Variants in CNTN5 observed in about 807,000 individuals in gnomAD.
CNTN5 encodes the protein contactin-5.
CNTN5 carries 77 observed loss-of-function variants against 129.1 expected under a neutral mutation model. The ratio of observed to expected loss-of-function variants is 0.60; its 90% CI spans 0.50 to 0.72. The LOEUF is 0.72. Among genes scored for constraint, CNTN5 ranks in the 30% least tolerant of loss-of-function variants. The pLI is 0.00. For synonymous variants in CNTN5, 509 were observed against 465.6 expected (o/e 1.09, Z -1.20); for missense variants, 1,478 against 1,328.8 (o/e 1.11, Z -1.75).
intron 2 of CNTN5, among the ~76,000 whole-genome samples, chr11:99,364,889 C>T (rs1939347377): frequency 6.6e-6 from 1 of 151,976 alleles, no homozygotes; most frequent in Non-Finnish European, 1.5e-5. Context: ...GGGTTTGGGG[C>T]AGCAGTGGAA....
At chr11:99,290,469 G>A (rs1282859548) in intron 1 of CNTN5, among the ~76,000 whole-genome samples, 1 of 151,868 alleles carries the variant, frequency 6.6e-6, no homozygotes, top group Admixed American at 6.6e-5. Flanking sequence ...GAAATTTTCT[G>A]TGGGCAGCCT....
chr11:99,169,553 A>G (rs1178864564), intron 1 of CNTN5, among the ~76,000 whole-genome samples: 1 of 152,152 alleles, frequency 6.6e-6, no homozygotes, highest in South Asian at 2.1e-4. Context: ...AAGAAGAATA[A>G]TGATCCTTAC....
intron 13 of CNTN5, among the ~76,000 whole-genome samples, chr11:100,151,289 T>C (rs1190039791): frequency 6.6e-6 from 1 of 152,192 alleles, no homozygotes. Flanking sequence ...AAATATACCA[T>C]GTATGTTTAT....
chr11:100,133,047 G>A (rs1456122385), intron 13 of CNTN5, among the ~76,000 whole-genome samples: 1 of 151,918 alleles, frequency 6.6e-6, no homozygotes, highest in Non-Finnish European at 1.5e-5. Context: ...TAATTTTAAT[G>A]ATATTACAAA....
intron 1 of CNTN5, among the ~76,000 whole-genome samples, chr11:99,089,670 G>T (rs1218537913): frequency 2.0e-5 from 3 of 152,130 alleles, no homozygotes; most frequent in African/African-American, 7.2e-5. Flanking sequence ...GTTATCATTA[G>T]AAATACATTG....
intron 3 of CNTN5, among the ~76,000 whole-genome samples, chr11:99,631,903 C>T (rs2135804767): frequency 6.6e-6 from 1 of 152,252 alleles, no homozygotes; most frequent in Non-Finnish European, 1.5e-5. Context: ...AGACAGACCA[C>T]ATTCGTGTAA....
intron 2 of CNTN5, among the ~76,000 whole-genome samples, chr11:99,336,372 A>C (rs1866225602): frequency 6.6e-6 from 1 of 152,164 alleles, no homozygotes; most frequent in Admixed American, 6.5e-5. Context: ...GAATTCCTTA[A>C]ATAACATTTA....
intron 1 of CNTN5, among the ~76,000 whole-genome samples, chr11:99,276,979 T>C (rs1011551370): frequency 6.6e-6 from 1 of 151,662 alleles, no homozygotes; most frequent in Non-Finnish European, 1.5e-5. Context: ...TGATATAAAC[T>C]TTAAAAAACA....
At chr11:99,952,418 T>A (rs1295001524) in intron 7 of CNTN5, among the ~76,000 whole-genome samples, 1 of 152,286 alleles carries the variant, frequency 6.6e-6, no homozygotes, top group South Asian at 2.1e-4. Flanking sequence ...TTTGTAAATA[T>A]TAAAATGCTC....
chr11:99,913,870 G>C (rs938311493), intron 6 of CNTN5, among the ~76,000 whole-genome samples: 5 of 152,098 alleles, frequency 3.3e-5, no homozygotes, highest in African/African-American at 7.2e-5. Context: ...TAAAAATTCA[G>C]TTAAAATAAA....
chr11:99,044,679 C>T (rs12285233), intron 1 of CNTN5, among the ~76,000 whole-genome samples: 31 of 152,238 alleles, frequency 2.0e-4, no homozygotes, highest in African/African-American at 6.3e-4. Context: ...GGATAATTCT[C>T]GTTGGCTGTC....
chr11:99,756,150 A>C (rs528504387), intron 3 of CNTN5, among the ~76,000 whole-genome samples: 6 of 152,108 alleles, frequency 3.9e-5, no homozygotes, highest in Admixed American at 1.3e-4. Context: ...GAATAAAATC[A>C]GATTCTCCTG....
At chr11:99,407,686 GC>G (rs1942142595) in intron 2 of CNTN5, among the ~76,000 whole-genome samples, 1 of 152,132 alleles carries the variant, frequency 6.6e-6, no homozygotes, top group South Asian at 2.1e-4. Flanking sequence ...GTTATCTGGG[GC>G]CCCAGTGGCC....
At position 100,344,285 on chromosome 11, in the gene CNTN5, G is replaced by A. The variant is rs575253710; in HGVS notation, c.3030+3080G>A. 2.6e-5 allele frequency among the ~76,000 whole-genome samples: 4 copies of A among 152,236 alleles called. 1 individual carries two copies. The East Asian group carries it at 7.7e-4, about 29-fold the overall frequency. On this transcript the variant is annotated intron_variant, in intron 23 of 24. Transcript: ENST00000524871. ...AATTCAGAAAAGTATTTATCTGGGAGACTTCTAGGTTGTGAAAGTTATTGA... is the reference window on the plus strand; with the variant it reads ...AATTCAGAAAAGTATTTATCTGGGAAACTTCTAGGTTGTGAAAGTTATTGA...
intron 2 of CNTN5, among the ~76,000 whole-genome samples, chr11:99,438,955 A>C (rs1179153070): frequency 2.0e-5 from 3 of 152,224 alleles, no homozygotes; most frequent in Non-Finnish European, 4.4e-5. Flanking sequence ...ATATGTAGTG[A>C]ACAAAATAAG....
At chr11:99,829,528 C>T (rs1235778394) in intron 4 of CNTN5, among the ~76,000 whole-genome samples, 1 of 152,152 alleles carries the variant, frequency 6.6e-6, no homozygotes, top group Non-Finnish European at 1.5e-5. Context: ...AGAAATGGAG[C>T]AGTACCTGGA....
intron 21 of CNTN5, among the ~76,000 whole-genome samples, chr11:100,338,990 T>C (rs1952098669): frequency 6.6e-6 from 1 of 151,832 alleles, no homozygotes; most frequent in Admixed American, 6.6e-5. Flanking sequence ...ACCTCCACTG[T>C]CCATGGATGG....
chr11:99,299,837 A>G (rs968130664), intron 1 of CNTN5, among the ~76,000 whole-genome samples: 2 of 152,144 alleles, frequency 1.3e-5, no homozygotes, highest in Non-Finnish European at 2.9e-5. Context: ...TGCTATTTGA[A>G]ATAGTGCTGT....
intron 2 of CNTN5, among the ~76,000 whole-genome samples, chr11:99,391,177 G>T (rs967846210): frequency 6.6e-6 from 1 of 151,956 alleles, no homozygotes; most frequent in Non-Finnish European, 1.5e-5. Context: ...TCTAAAACCT[G>T]TAAAAAACAA....
Sources: allele counts gnomAD v4.1 joint callset (sites outside exome capture counted in the v4.1 genomes callset), GRCh38; gene constraint gnomAD v4.1.1; transcripts MANE v1.5; gene names NCBI Gene and HGNC (gene_info 2026-07-23, HGNC 2026-07-21).